The following HK2 variants were observed in gnomAD, a reference collection of about 807,000 sequenced individuals.
HK2 encodes the protein hexokinase-2.
A neutral mutation model predicts 92.9 loss-of-function variants in HK2; 42 were observed. That is an observed-to-expected ratio of 0.45 (90% CI 0.35 to 0.58). The LOEUF (loss-of-function observed/expected upper bound fraction) is 0.58. Ranked by LOEUF, HK2 falls within the 20% of genes least tolerant of loss-of-function variation. The pLI is 0.00. For missense variants in HK2, 978 were observed against 1,245.1 expected, an observed-to-expected ratio of 0.79 and a Z score of 3.23; for synonymous variants, 422 against 468.0, an observed-to-expected ratio of 0.90 and a Z score of 1.27.
At chr2:74,885,733 G>A in intron 13 of HK2, 144 bp downstream of exon 13, 1 of 703,842 alleles carries the variant, frequency 1.4e-6, no homozygotes. Context: ...GCAGTTTAGT[G>A]TGCACTGTGT....
At chr2:74,868,966 C>T (rs1689029642) in intron 3 of HK2, among the ~76,000 whole-genome samples, 2 of 152,116 alleles carry the variant, frequency 1.3e-5, no homozygotes, top group African/African-American at 2.4e-5. Context: ...AAGTGCGTCT[C>T]TGCCAATTGA....
rs1278873648 is a variant in HK2, at chr2:74,873,342, C to G, written c.562C>G (p.Leu188Val). ...AGTGGAAGGCAGAGACGTTGTGGCTCTGATCCGGAAGGCCATCCAGAGGAG... is the reference window on the plus strand; with the variant it reads ...AGTGGAAGGCAGAGACGTTGTGGCTGTGATCCGGAAGGCCATCCAGAGGAG... The part of the protein sequence containing the change: ...SGVEGRDVVA[L>V]IRKAIQRRGD... The change falls in exon 5 of 18, where the codon CTG (leucine) becomes GTG (valine). Residue 188 changes from leucine (L) to valine (V), a missense_variant. By Grantham distance (32) the Leu-to-Val change is conservative (BLOSUM62 1). Coordinates refer to ENST00000290573, the MANE Select transcript of HK2 (RefSeq NM_000189.5). The G allele has an allele frequency of 5.6e-6, 9 of 1,613,890 alleles. No individual in the cohort carries two copies. The East Asian group carries it at 8.9e-5, about 16-fold the overall frequency.
chr2:74,864,290 T>C (rs1274164140), intron 2 of HK2, among the ~76,000 whole-genome samples: 1 of 152,214 alleles, frequency 6.6e-6, no homozygotes, highest in Non-Finnish European at 1.5e-5. Flanking sequence ...CCATGTCACG[T>C]GAGCCCTATG....
intron 1 of HK2, among the ~76,000 whole-genome samples, chr2:74,850,866 G>A (rs1224110205): frequency 6.6e-6 from 1 of 152,140 alleles, no homozygotes; most frequent in Non-Finnish European, 1.5e-5. Flanking sequence ...CCCTTCCTGA[G>A]TGGCCCTAAT....
chr2:74,840,720 A>T (rs1377239863), intron 1 of HK2, among the ~76,000 whole-genome samples: 1 of 150,756 alleles, frequency 6.6e-6, no homozygotes, highest in Non-Finnish European at 1.5e-5. Context: ...ACAAAAAAAA[A>T]AAAAAAAAAT....
intron 17 of HK2, 40 bp downstream of exon 17, chr2:74,889,518 C>A: frequency 7.6e-7 from 1 of 1,314,076 alleles, no homozygotes; most frequent in Non-Finnish European, 1.1e-6. Context: ...TACCTTCTTT[C>A]TGTCTTTGTT....
Position 74,880,328 on chromosome 2 carries a change from C to T in HK2, c.1329C>T (p.Leu443=). The T allele has an allele frequency of 6.2e-7, 1 of 1,614,220 alleles. No homozygotes were observed. Among genetic ancestry groups the T allele is most frequent in the Non-Finnish European group, 8.5e-7 (1 of 1,180,040 alleles). The change falls in exon 10 of 18, where the codon CTC becomes CTT. Residue 443 remains leucine (L), a synonymous_variant. Coordinates refer to ENST00000290573, the MANE Select transcript of HK2 (RefSeq NM_000189.5). ...TGCCCGGCTGCGATGTCCGCTTCCT[C>T]CGCTCCGAGGATGGCAGTGGCAAAG... ...RLVPGCDVRF[L]RSEDGSGKGA... is the part of the protein sequence containing the mutation.
At position 74,835,459 on chromosome 2, in the gene HK2, C is replaced by T. The variant is rs192344626; in HGVS notation, c.63+816C>T. 5.8e-3 allele frequency: 889 copies of T among 152,378 alleles called. 8 individuals carry two copies. The highest frequency in any genetic ancestry group is 0.024 in the Middle Eastern group (7 of 296). 9.4% of individuals were successfully genotyped at this position (152,378 alleles called of 1,614,324 possible). A position where few individuals can be genotyped will look rare whatever the true frequency, so the allele number is the denominator to read the frequency against. On this transcript the variant is annotated intron_variant, in intron 1 of 17. Transcript: ENST00000290573. The stretch of plus-strand genomic sequence containing the variant: ...AGATTTATGTCCTTCCGAAAACGAG[C>T]TTTTTTTTCCTTAAGCCTCGACCTG...
intron 7 of HK2, among the ~76,000 whole-genome samples, chr2:74,875,360 T>C (rs1689203040): frequency 7.4e-6 from 1 of 135,614 alleles, no homozygotes; most frequent in African/African-American, 2.8e-5. Context: ...ACAGAGTCTC[T>C]CTCTGTTGCC....
chr2:74,840,708 A>G (rs1688289643), intron 1 of HK2, among the ~76,000 whole-genome samples: 1 of 62,044 alleles, frequency 1.6e-5, no homozygotes, highest in Non-Finnish European at 3.5e-5. Context: ...TCTACTAAAA[A>G]TACAAAAAAA....
chr2:74,842,247 G>T lies in HK2; in HGVS notation c.63+7604G>T, dbSNP rs529639640. Among the ~76,000 whole-genome samples, 54 of 151,254 alleles carry T rather than the reference G, an allele frequency of 3.6e-4. No homozygotes were observed. In the South Asian group the frequency reaches 7.7e-3, roughly 21 times the overall value. ...CAATGGTTCAACTTGATTTTTTTTT[G>T]ACTTCACAATGGCACAAAAGTGATA... On this transcript the variant is annotated intron_variant, in intron 1 of 17. Transcript: ENST00000290573.
At chr2:74,849,481 G>A (rs1430726200) in intron 1 of HK2, among the ~76,000 whole-genome samples, 2 of 152,150 alleles carry the variant, frequency 1.3e-5, no homozygotes, top group African/African-American at 4.8e-5. Context: ...CTTTGCTCTG[G>A]CCTGCCTCCG....
intron 2 of HK2, among the ~76,000 whole-genome samples, chr2:74,855,445 C>A (rs992054537): frequency 2.0e-5 from 3 of 152,146 alleles, no homozygotes; most frequent in Admixed American, 6.5e-5. Flanking sequence ...TCTCCATTAG[C>A]CAGAATGGTC....
chr2:74,854,518 C>A, intron 2 of HK2, 63 bp downstream of exon 2: 1 of 1,582,362 alleles, frequency 6.3e-7, no homozygotes, highest in East Asian at 2.2e-5. Flanking sequence ...GTTGGCTTTG[C>A]TCAGGGACCC....
In HK2 at chr2:74,861,950, G is replaced by A. The variant is rs761826318; in HGVS notation, c.227-5686G>A. On this transcript the variant is annotated intron_variant, in intron 2 of 17. Transcript: ENST00000290573. ...GATCATTTGACTCTTCTTCACCTCG[G>A]AATTGTGAATTATGTTCACAGGTAA... is the stretch of plus-strand genomic sequence containing the variant. Among the ~76,000 whole-genome samples the A allele has an allele frequency of 3.9e-5, 6 of 152,226 alleles. No homozygotes were observed. In the East Asian group the frequency reaches 1.2e-3, roughly 29 times the overall value.
chr2:74,868,723 T>C (rs1280783614), intron 3 of HK2, among the ~76,000 whole-genome samples: 1 of 152,244 alleles, frequency 6.6e-6, no homozygotes, highest in Non-Finnish European at 1.5e-5. Flanking sequence ...CCCCAGATGA[T>C]AAATGTTTAA....
intron 1 of HK2, among the ~76,000 whole-genome samples, chr2:74,853,997 A>G (rs1055714306): frequency 2.6e-5 from 4 of 152,196 alleles, no homozygotes; most frequent in African/African-American, 7.2e-5. Flanking sequence ...TGATGTTGTC[A>G]CAGGCCTTCC....
At chr2:74,840,220 G>C (rs1043844028) in intron 1 of HK2, among the ~76,000 whole-genome samples, 17 of 148,984 alleles carry the variant, frequency 1.1e-4, no homozygotes, top group Non-Finnish European at 2.4e-4. Flanking sequence ...GCCTCCCAAA[G>C]TACTGGGATT....
At chr2:74,882,845 T>C (rs1689436576) in intron 12 of HK2, among the ~76,000 whole-genome samples, 1 of 151,832 alleles carries the variant, frequency 6.6e-6, no homozygotes. Flanking sequence ...CCTGAGCCTG[T>C]GCTGTCAGTT....
Sources: gnomAD v4.1 joint callset for allele counts (sites outside exome capture counted in the v4.1 genomes callset) on GRCh38, gnomAD v4.1.1 for gene constraint, MANE v1.5 for transcripts, NCBI Gene and HGNC (gene_info 2026-07-23, HGNC 2026-07-21) for gene names.